The following ANKFN1 variants were observed in gnomAD, a reference collection of about 807,000 sequenced individuals.
The protein encoded by ANKFN1 is ankyrin repeat and fibronectin type III domain containing 1.
Under a neutral mutation model 108.7 loss-of-function variants are expected in ANKFN1, and 74 were observed. The ratio of observed to expected loss-of-function variants is 0.68; its 90% CI spans 0.56 to 0.83. The LOEUF (loss-of-function observed/expected upper bound fraction) is 0.83. Ranked by LOEUF, ANKFN1 falls within the 40% of genes least tolerant of loss-of-function variation. ANKFN1 has a pLI of 0.00. For synonymous variants in ANKFN1, 547 were observed against 516.2 expected, an observed-to-expected ratio of 1.06 and a Z score of -0.81; for missense variants, 1,505 against 1,382.3, an observed-to-expected ratio of 1.09 and a Z score of -1.41.
intron 4 of ANKFN1, among the ~76,000 whole-genome samples, chr17:56,145,400 T>C (rs897454084): frequency 3.9e-5 from 6 of 152,222 alleles, no homozygotes; most frequent in African/African-American, 1.4e-4. Flanking sequence ...AGAGGGTTAA[T>C]TGACTCACAG....
chr17:56,241,412 G>T (rs546193360), intron 3 of ANKFN1, among the ~76,000 whole-genome samples: 1 of 152,250 alleles, frequency 6.6e-6, no homozygotes, highest in South Asian at 2.1e-4. Flanking sequence ...AATAGTCCAT[G>T]ATTTCCCCAT....
At chr17:56,229,616 C>G (rs1205744364) in intron 3 of ANKFN1, among the ~76,000 whole-genome samples, 3 of 117,048 alleles carry the variant, frequency 2.6e-5, no homozygotes, top group Non-Finnish European at 4.8e-5. Context: ...CGCAGGATCT[C>G]TTTATCAAAA....
chr17:56,090,048 C>T (rs1905383801), intron 4 of ANKFN1, among the ~76,000 whole-genome samples: 1 of 151,272 alleles, frequency 6.6e-6, no homozygotes, highest in African/African-American at 2.4e-5. Context: ...TTGAGTTGGA[C>T]TTGTTTCTTT....
chr17:56,235,040 CCATTCTGA>C (rs1917020758), intron 3 of ANKFN1, among the ~76,000 whole-genome samples: 1 of 152,040 alleles, frequency 6.6e-6, no homozygotes, highest in South Asian at 2.1e-4. Context: ...TTATTAACAG[CCATTCTGA>C]CTGGTATGAG....
intron 3 of ANKFN1, among the ~76,000 whole-genome samples, chr17:56,251,632 T>C (rs2043238166): frequency 6.6e-6 from 1 of 152,144 alleles, no homozygotes; most frequent in South Asian, 2.1e-4. Context: ...GGCATCCACC[T>C]CAGAACTGCA....
chr17:56,093,487 T>C (rs766048565), intron 4 of ANKFN1, among the ~76,000 whole-genome samples: 1 of 151,176 alleles, frequency 6.6e-6, no homozygotes, highest in Non-Finnish European at 1.5e-5. Flanking sequence ...TTCCTTCTCA[T>C]GGAATACTAA....
chr17:56,333,615 G>A (rs1020992259), intron 4 of ANKFN1, among the ~76,000 whole-genome samples: 4 of 150,790 alleles, frequency 2.7e-5, no homozygotes, highest in Admixed American at 1.3e-4. Context: ...CCATGTTCAT[G>A]ATAGACATTG....
chr17:56,485,624 C>A (rs529279821), intron 18 of ANKFN1, among the ~76,000 whole-genome samples: 2 of 152,160 alleles, frequency 1.3e-5, no homozygotes, highest in African/African-American at 4.8e-5. Flanking sequence ...ATCCAGTGGT[C>A]ATCCCCCTAA....
intron 18 of ANKFN1, among the ~76,000 whole-genome samples, chr17:56,483,473 C>A (rs1282489559): frequency 6.6e-6 from 1 of 152,212 alleles, no homozygotes; most frequent in Non-Finnish European, 1.5e-5. Context: ...GAATTTATCC[C>A]TCAAGGATGA....
chr17:56,499,857 A>G (rs1307965682), intron 20 of ANKFN1, among the ~76,000 whole-genome samples: 10 of 152,172 alleles, frequency 6.6e-5, no homozygotes, highest in African/African-American at 2.4e-4. Context: ...GGCTAGTGCC[A>G]TTTTCTAGTC....
At chr17:56,357,750 C>T (rs527449646) in intron 6 of ANKFN1, among the ~76,000 whole-genome samples, 1 of 152,010 alleles carries the variant, frequency 6.6e-6, no homozygotes, top group Non-Finnish European at 1.5e-5. Flanking sequence ...AAACACCTGC[C>T]GTAAACTGTT....
chr17:56,198,913 C>G (rs1913777800), intron 1 of ANKFN1, among the ~76,000 whole-genome samples: 1 of 152,202 alleles, frequency 6.6e-6, no homozygotes, highest in Non-Finnish European at 1.5e-5. Context: ...ACCACCTTCT[C>G]TAATCCTTCT....
At position 56,512,962 on chromosome 17, in the gene ANKFN1, T is replaced by C. The variant is rs1266438151; in HGVS notation, c.*1693T>C. On this transcript the variant is annotated 3_prime_UTR_variant, in exon 21 of 21. Coordinates refer to ENST00000682825, the MANE Select transcript of ANKFN1 (RefSeq NM_001370326.1). ...AGCTCCTTTTTCATGACTGGGAGGATTTTAAAATGCAATTTTCTTCTGTCT... is the reference window on the plus strand; with the variant it reads ...AGCTCCTTTTTCATGACTGGGAGGACTTTAAAATGCAATTTTCTTCTGTCT... Among the ~76,000 whole-genome samples the C allele has an allele frequency of 6.6e-6, 1 of 152,178 alleles. No homozygotes were observed. The highest frequency in any genetic ancestry group is 2.4e-5 in the African/African-American group (1 of 41,418).
chr17:56,309,562 C>A (rs537154123), intron 3 of ANKFN1, among the ~76,000 whole-genome samples: 4 of 151,406 alleles, frequency 2.6e-5, no homozygotes, highest in African/African-American at 2.4e-5. Flanking sequence ...TTTTTTGATT[C>A]ATAGATTGGA....
At chr17:56,142,338 TCTC>T (rs1342986518) in intron 4 of ANKFN1, among the ~76,000 whole-genome samples, 1 of 152,148 alleles carries the variant, frequency 6.6e-6, no homozygotes, top group African/African-American at 2.4e-5. Flanking sequence ...AAGTTGCAAA[TCTC>T]CTTATTGTTT....
intron 3 of ANKFN1, among the ~76,000 whole-genome samples, chr17:56,304,109 AAC>A (rs2044749025): frequency 6.6e-6 from 1 of 152,040 alleles, no homozygotes; most frequent in Admixed American, 6.6e-5. Flanking sequence ...TTCCCATCAC[AAC>A]AAAAATCCTT....
In ANKFN1 at chr17:56,480,671, G is replaced by A; in HGVS notation, c.1944G>A (p.Glu648=). 6.2e-7 allele frequency: 1 copy of A among 1,613,712 alleles called. No homozygotes were observed. Among genetic ancestry groups the A allele is most frequent in the South Asian group, 1.1e-5 (1 of 91,062 alleles). Residue 648 remains glutamate (E), a synonymous_variant, in exon 17 of 21, where the codon GAG becomes GAA. Coordinates refer to ENST00000682825, the MANE Select transcript of ANKFN1 (RefSeq NM_001370326.1). The stretch of plus-strand genomic sequence containing the variant: ...TTTAACTTGACTCAACATACAGAGA[G>A]GAATGGGAATGGATCCAAAAGCTTT... ...KIRENNNISR[E]EWEWIQKLSG...
At chr17:56,309,319 T>C (rs2044939161) in intron 3 of ANKFN1, among the ~76,000 whole-genome samples, 1 of 152,212 alleles carries the variant, frequency 6.6e-6, no homozygotes, top group African/African-American at 2.4e-5. Context: ...TCATTACAGG[T>C]ATCAAATTTA....
At chr17:56,215,327 C>T (rs770954115) in intron 2 of ANKFN1, among the ~76,000 whole-genome samples, 37 of 152,220 alleles carry the variant, frequency 2.4e-4, no homozygotes, top group Non-Finnish European at 4.4e-4. Context: ...ACCTTCACCA[C>T]ACCCAGTTTC....
Sources: allele counts gnomAD v4.1 joint callset (sites outside exome capture counted in the v4.1 genomes callset), GRCh38; gene constraint gnomAD v4.1.1; transcripts MANE v1.5; gene names NCBI Gene and HGNC (gene_info 2026-07-23, HGNC 2026-07-21).